Variants in MELK observed in about 807,000 individuals in gnomAD.
MELK encodes maternal embryonic leucine zipper kinase.
A neutral mutation model predicts 85.0 loss-of-function variants in MELK; 81 were observed. The observed-to-expected ratio is 0.95, with a 90% CI of 0.80 to 1.15. MELK has a LOEUF of 1.15. Among genes scored for constraint, MELK ranks in the 50% most tolerant of loss-of-function variants. The pLI is 0.00. For missense variants in MELK, 754 were observed against 777.5 expected, an observed-to-expected ratio of 0.97 and a Z score of 0.36; for synonymous variants, 252 against 265.0, an observed-to-expected ratio of 0.95 and a Z score of 0.48.
At chr9:36,657,654 G>A (rs1425651255) in intron 13 of MELK, among the ~76,000 whole-genome samples, 1 of 152,148 alleles carries the variant, frequency 6.6e-6, no homozygotes, top group Non-Finnish European at 1.5e-5. Context: ...GCAGTGGCAC[G>A]ATCTCGGCTC....
intron 7 of MELK, among the ~76,000 whole-genome samples, chr9:36,605,241 C>T (rs2135754685): frequency 6.6e-6 from 1 of 151,272 alleles, no homozygotes; most frequent in Non-Finnish European, 1.5e-5. Context: ...TGGAGTCTCG[C>T]TCTGTTGCCC....
chr9:36,615,205 C>T (rs1587440031), intron 8 of MELK, among the ~76,000 whole-genome samples: 1 of 144,056 alleles, frequency 6.9e-6, no homozygotes. Flanking sequence ...GGGCTGACCC[C>T]CCCACCTCCC....
At chr9:36,588,940 T>C (rs1823238994) in intron 3 of MELK, among the ~76,000 whole-genome samples, 1 of 152,318 alleles carries the variant, frequency 6.6e-6, no homozygotes, top group Middle Eastern at 3.4e-3. Context: ...GCATGATGAC[T>C]GAGTAGTGTT....
intron 8 of MELK, among the ~76,000 whole-genome samples, chr9:36,610,114 C>A (rs146238986): frequency 1.3e-5 from 2 of 152,106 alleles, no homozygotes; most frequent in East Asian, 3.9e-4. Context: ...GTGGGAGAGA[C>A]GTGGGGAGGA....
intron 14 of MELK, among the ~76,000 whole-genome samples, chr9:36,667,352 C>T (rs536525763): frequency 4.6e-5 from 7 of 152,120 alleles, no homozygotes; most frequent in Non-Finnish European, 8.8e-5. Flanking sequence ...GACAGGGCTT[C>T]ACCATATTGG....
Position 36,598,457 on chromosome 9 carries a change from C to T in MELK, c.475-937C>T, listed in dbSNP as rs552854469. Reference sequence around the variant, plus strand: ...AAATGACATCTCACAATTCACAAATCCTTTGCCAGCTGTAAGAACTCTATA... The same window carrying T: ...AAATGACATCTCACAATTCACAAATTCTTTGCCAGCTGTAAGAACTCTATA... On this transcript the variant is annotated intron_variant, in intron 6 of 17. Transcript: ENST00000298048. Among the ~76,000 whole-genome samples, 5 of 152,242 alleles carry T rather than the reference C, an allele frequency of 3.3e-5. No homozygotes were observed. In the South Asian group the frequency reaches 1.0e-3, roughly 32 times the overall value.
At chr9:36,654,185 C>G (rs1322461582) in intron 12 of MELK, among the ~76,000 whole-genome samples, 2 of 151,904 alleles carry the variant, frequency 1.3e-5, no homozygotes, top group Non-Finnish European at 2.9e-5. Context: ...ACATCTGGGT[C>G]CAGGAAAATG....
At position 36,594,668 on chromosome 9, in the gene MELK, A is replaced by G; in HGVS notation, c.302A>G (p.Gln101Arg). ...GGELFDYIIS[Q>R]DRLSEEETRV... is the part of the protein sequence containing the mutation. Reference sequence around the variant, plus strand: ...GAGCTGTTTGACTATATAATTTCCCAGGATCGCCTGTCAGAAGAGGAGACC... The same window carrying G: ...GAGCTGTTTGACTATATAATTTCCCGGGATCGCCTGTCAGAAGAGGAGACC... The change falls in exon 5 of 18, where the codon CAG becomes CGG. Residue 101 changes from glutamine (Q) to arginine (R), a missense_variant. Transcript: ENST00000298048. 1 of 1,614,086 alleles carries G rather than the reference A, an allele frequency of 6.2e-7. No individual in the cohort carries two copies. The highest frequency in any genetic ancestry group is 8.5e-7 in the Non-Finnish European group (1 of 1,179,990).
At chr9:36,667,715 G>T (rs1352147110) in intron 14 of MELK, among the ~76,000 whole-genome samples, 1 of 152,058 alleles carries the variant, frequency 6.6e-6, no homozygotes, top group African/African-American at 2.4e-5. Flanking sequence ...GCTTCCACTG[G>T]CACTTTGCAT....
chr9:36,614,433 T>TG (rs1564162002), intron 8 of MELK, among the ~76,000 whole-genome samples: 1 of 145,252 alleles, frequency 6.9e-6, no homozygotes, highest in East Asian at 2.0e-4. Flanking sequence ...GGGTTTTTTT[T>TG]TTTTTTTTTT....
chr9:36,594,523 G>T, intron 4 of MELK, 105 bp from the exon 5 acceptor site: 1 of 1,337,906 alleles, frequency 7.5e-7, no homozygotes, highest in Non-Finnish European at 1.0e-6. Context: ...TCCCTATAAA[G>T]TCGAATTAAT....
chr9:36,652,729 CAAAAAAAAAAAA>C lies in MELK; in HGVS notation c.1053+861_1053+872del, dbSNP rs745699767. Reference sequence around the variant, plus strand: ...TGGGCGACAGAGCAAGACTCTGTCTCAAAAAAAAAAAAAAAAAAAAGAAAATGCTTAAGCCAC... The same window carrying C: ...TGGGCGACAGAGCAAGACTCTGTCTCAAAAAAAAGAAAATGCTTAAGCCAC... On this transcript the variant is annotated intron_variant, in intron 12 of 17. Transcript: ENST00000298048. 4.2e-5 allele frequency among the ~76,000 whole-genome samples: 4 copies of C among 95,052 alleles called. No homozygotes were observed. The East Asian group carries it at 9.1e-4, about 22-fold the overall frequency. The allele number at this position is 95,052 out of a possible 152,430, so 62.4% of individuals were successfully genotyped here.
intron 6 of MELK, 36 bp downstream of exon 6, chr9:36,597,326 T>A (rs984989707): frequency 1.3e-6 from 2 of 1,542,322 alleles, no homozygotes; most frequent in Admixed American, 3.4e-5. Context: ...ATGTTCTTTG[T>A]AAATGCATTT....
chr9:36,614,255 G>A (rs7034205), intron 8 of MELK, among the ~76,000 whole-genome samples: 1 of 151,766 alleles, frequency 6.6e-6, no homozygotes, highest in African/African-American at 2.4e-5. Context: ...GCCACCATGC[G>A]TGGCTAAGTT....
chr9:36,621,275 G>GAA lies in MELK; in HGVS notation c.667-8983_667-8982dup, dbSNP rs74181196. ...TGACAGAGTGAGACTCTGTCTCAGG[G>GAA]AAAAAAAAAAAAAAAAAAAAAAAAA... On this transcript the variant is annotated intron_variant, in intron 8 of 17. Coordinates refer to ENST00000298048, the MANE Select transcript of MELK (RefSeq NM_014791.4). Among the ~76,000 whole-genome samples the GAA allele has an allele frequency of 3.1e-3, 100 of 32,438 alleles. 20 individuals carry two copies. Among genetic ancestry groups the GAA allele is most frequent in the Non-Finnish European group, 6.5e-3 (73 of 11,224 alleles). The allele number at this position is 32,438 out of a possible 152,430, so 21.3% of individuals were successfully genotyped here.
rs1225729157 is a variant in MELK at position 36,583,777 on chromosome 9, TTGTTCTAA to T, written c.144+73_144+80del. The T allele has an allele frequency of 2.5e-5, 28 of 1,124,374 alleles. No individual in the cohort carries two copies. The East Asian group carries it at 6.4e-4, about 26-fold the overall frequency. 69.6% of individuals were successfully genotyped at this position (1,124,374 alleles called of 1,614,324 possible). On this transcript the variant is annotated intron_variant, in intron 3 of 17. Transcript: ENST00000298048. Reference sequence around the variant, plus strand: ...TCAGTTTCGTGAATTAAAACCTGAATTGTTCTAATGTTCTAGTTACTGCTCTTAGAATA... The same window carrying T: ...TCAGTTTCGTGAATTAAAACCTGAATTGTTCTAGTTACTGCTCTTAGAATA...
chr9:36,647,250 C>G lies in MELK; in HGVS notation c.921+4167C>G, dbSNP rs191116065. Among the ~76,000 whole-genome samples the G allele has an allele frequency of 1.1e-4, 16 of 152,298 alleles. No homozygotes were observed. The East Asian group carries it at 3.1e-3, about 29-fold the overall frequency. On this transcript the variant is annotated intron_variant, in intron 11 of 17. Transcript: ENST00000298048. Reference sequence around the variant, plus strand: ...AATTGTTTACAATGCCTGGGTTATGCCATGCCATCATTGATAAGAAAGTGG... The same window carrying G: ...AATTGTTTACAATGCCTGGGTTATGGCATGCCATCATTGATAAGAAAGTGG...
At chr9:36,582,500 G>A (rs1822358711) in intron 2 of MELK, among the ~76,000 whole-genome samples, 1 of 143,620 alleles carries the variant, frequency 7.0e-6, no homozygotes, top group South Asian at 2.2e-4. Flanking sequence ...AGCAGTGAAA[G>A]GGGTGGGACA....
intron 14 of MELK, among the ~76,000 whole-genome samples, chr9:36,667,290 G>A (rs1832474213): frequency 6.6e-6 from 1 of 151,944 alleles, no homozygotes; most frequent in African/African-American, 2.4e-5. Context: ...CTAGTAGCTG[G>A]GATTACAGGC....
Sources: gnomAD v4.1 joint callset for allele counts (sites outside exome capture counted in the v4.1 genomes callset) on GRCh38, gnomAD v4.1.1 for gene constraint, MANE v1.5 for transcripts, NCBI Gene and HGNC (gene_info 2026-07-23, HGNC 2026-07-21) for gene names.